The following HHLA2 variants were observed in gnomAD, a reference collection of about 807,000 sequenced individuals.
HHLA2 encodes the protein HHLA2 member of B7 family.
Under a neutral mutation model 45.9 loss-of-function variants are expected in HHLA2, and 48 were observed. The observed-to-expected ratio is 1.05, with a 90% CI of 0.83 to 1.33. The LOEUF (loss-of-function observed/expected upper bound fraction) is 1.33, where lower values mean the gene tolerates loss of function less well. HHLA2 is among the 40% of genes most tolerant of loss of function. The pLI is 0.00. For synonymous variants in HHLA2, 161 were observed against 173.9 expected (o/e 0.93, Z 0.59); for missense variants, 462 against 494.3 (o/e 0.93, Z 0.62).
intron 3 of HHLA2, among the ~76,000 whole-genome samples, chr3:108,342,913 G>A (rs2081600351): frequency 6.6e-6 from 1 of 152,126 alleles, no homozygotes; most frequent in Admixed American, 6.5e-5. Context: ...TCCTTCCACA[G>A]CACCTGGTGG....
chr3:108,356,711 A>G (rs901090702), intron 6 of HHLA2, among the ~76,000 whole-genome samples: 5 of 152,316 alleles, frequency 3.3e-5, no homozygotes, highest in African/African-American at 1.2e-4. Flanking sequence ...ATTACGTGCC[A>G]AGTTTTGTTG....
intron 3 of HHLA2, among the ~76,000 whole-genome samples, chr3:108,343,181 A>G (rs1287953792): frequency 6.6e-6 from 1 of 152,042 alleles, no homozygotes; most frequent in Non-Finnish European, 1.5e-5. Flanking sequence ...AGGGCATTTT[A>G]TTTTTTCTTG....
chr3:108,306,492 C>T (rs1267445719), intron 1 of HHLA2, among the ~76,000 whole-genome samples: 2 of 152,276 alleles, frequency 1.3e-5, no homozygotes, highest in African/African-American at 4.8e-5. Context: ...TGCTCGAGCT[C>T]TCCCTCTCTC....
Position 108,376,377 on chromosome 3 carries a change from T to C in HHLA2, c.1160-116T>C, listed in dbSNP as rs1198925718. 1.1e-5 allele frequency: 8 copies of C among 723,458 alleles called. No individual in the cohort carries two copies. The Admixed American group carries it at 1.2e-4, about 11-fold the overall frequency. 44.8% of individuals were successfully genotyped at this position (723,458 alleles called of 1,614,324 possible). The stretch of plus-strand genomic sequence containing the variant: ...TTTTTCATGTTGTTTGTTAAAGATA[T>C]GCAGGGAGAGTAACTCAGATGATTC... On this transcript the variant is annotated intron_variant, in intron 9 of 10. Coordinates refer to ENST00000619531, the Ensembl canonical transcript of HHLA2.
chr3:108,343,640 C>T (rs990827760), intron 3 of HHLA2, among the ~76,000 whole-genome samples: 1 of 152,142 alleles, frequency 6.6e-6, no homozygotes, highest in African/African-American at 2.4e-5. Flanking sequence ...ACAGGTCACC[C>T]GCCCCAGCAC....
At chr3:108,356,029 C>CGT (rs372900009) in intron 6 of HHLA2, among the ~76,000 whole-genome samples, 1 of 118,228 alleles carries the variant, frequency 8.5e-6, no homozygotes, top group Non-Finnish European at 1.7e-5. Context: ...ATTTGTTTTC[C>CGT]TTTTTTTTTT....
intron 7 of HHLA2, among the ~76,000 whole-genome samples, chr3:108,360,679 C>T (rs921604828): frequency 6.6e-6 from 1 of 152,136 alleles, no homozygotes; most frequent in Non-Finnish European, 1.5e-5. Flanking sequence ...GATGCAGTGG[C>T]GTGACACGAT....
chr3:108,306,761 A>G (rs2080937021), intron 1 of HHLA2, among the ~76,000 whole-genome samples: 1 of 152,140 alleles, frequency 6.6e-6, no homozygotes, highest in Non-Finnish European at 1.5e-5. Flanking sequence ...GTCAATTTGT[A>G]GTCTTGTTAA....
intron 8 of HHLA2, among the ~76,000 whole-genome samples, chr3:108,364,355 G>GGTGTA: frequency 6.6e-6 from 1 of 152,318 alleles, no homozygotes; most frequent in African/African-American, 2.4e-5. Context: ...AGTATTCCAT[G>GGTGTA]GTGTATATGT....
Position 108,356,055 on chromosome 3 carries a change from A to C in HHLA2, c.685+674A>C, listed in dbSNP as rs563404435. Among the ~76,000 whole-genome samples, 13 of 101,070 alleles carry C rather than the reference A, an allele frequency of 1.3e-4. No individual in the cohort carries two copies. In the South Asian group the frequency reaches 4.2e-3, roughly 32 times the overall value. 66.3% of individuals were successfully genotyped at this position (101,070 alleles called of 152,430 possible). The stretch of plus-strand genomic sequence containing the variant: ...TTTTTTTTTTTTTTTTTTGAGATGG[A>C]GTCTCCCTCTGTCGCCCAGGCTGGA... On this transcript the variant is annotated intron_variant, in intron 6 of 10. Coordinates refer to ENST00000619531, the Ensembl canonical transcript of HHLA2.
chr3:108,348,662 A>AG lies in HHLA2; in HGVS notation c.-26-3126_-26-3125insG, dbSNP rs2081715005. Among the ~76,000 whole-genome samples, 6 of 132,712 alleles carry AG rather than the reference A, an allele frequency of 4.5e-5. 1 individual carries two copies. Among genetic ancestry groups the AG allele is most frequent in the Non-Finnish European group, 1.0e-4 (6 of 59,726 alleles). 87.1% of individuals were successfully genotyped at this position (132,712 alleles called of 152,430 possible). On this transcript the variant is annotated intron_variant, in intron 3 of 10. Transcript: ENST00000619531. ...GGGACAAATTTCTTTTTTTTTTTTAATTATACTTTAAATTCTGGGTTACAT... is the reference window on the plus strand; with the variant it reads ...GGGACAAATTTCTTTTTTTTTTTTAAGTTATACTTTAAATTCTGGGTTACAT...
At chr3:108,336,485 T>A (rs897069604) in intron 3 of HHLA2, among the ~76,000 whole-genome samples, 2 of 152,224 alleles carry the variant, frequency 1.3e-5, no homozygotes, top group African/African-American at 4.8e-5. Flanking sequence ...ACTTAAGGAA[T>A]GCTTTCATCA....
chr3:108,364,907 G>T (rs1484798227), intron 8 of HHLA2, among the ~76,000 whole-genome samples: 2 of 152,166 alleles, frequency 1.3e-5, no homozygotes, highest in African/African-American at 4.8e-5. Flanking sequence ...ACTTTTGTCA[G>T]ATGGGTAGAC....
At chr3:108,358,471 A>C (rs1448395678) in intron 7 of HHLA2, among the ~76,000 whole-genome samples, 1 of 152,130 alleles carries the variant, frequency 6.6e-6, no homozygotes, top group African/African-American at 2.4e-5. Flanking sequence ...TGCTGTGCCT[A>C]ATATATACCT....
intron 2 of HHLA2, among the ~76,000 whole-genome samples, chr3:108,318,652 GA>G (rs137992301): frequency 2.7e-5 from 4 of 150,684 alleles, no homozygotes; most frequent in East Asian, 1.9e-4. Context: ...AAATGGAGAA[GA>G]AAAAAAAATC....
rs766008771 is a variant in HHLA2, at chr3:108,358,209, A to C, written c.1003+48A>C. 2.6e-5 allele frequency: 35 copies of C among 1,354,200 alleles called. 1 individual carries two copies. The South Asian group carries it at 4.4e-4, about 17-fold the overall frequency. 83.9% of individuals were successfully genotyped at this position (1,354,200 alleles called of 1,614,324 possible). A position where few individuals can be genotyped will look rare whatever the true frequency, so the allele number is the denominator to read the frequency against. On this transcript the variant is annotated intron_variant, in intron 7 of 10. Transcript: ENST00000619531. ...TAATGGGTTTTGGCTGTAGCATTAG[A>C]GGTTTGTGAATATCAAAGAGAAAAT...
At chr3:108,307,591 G>A (rs997719922) in intron 1 of HHLA2, among the ~76,000 whole-genome samples, 10 of 150,880 alleles carry the variant, frequency 6.6e-5, no homozygotes, top group Admixed American at 4.6e-4. Context: ...CCAAGATCAC[G>A]CCACTGCACT....
exon 10 of HHLA2, chr3:108,376,550 A>C (rs2082279338): frequency 6.2e-7 from 1 of 1,612,030 alleles, no homozygotes; most frequent in African/African-American, 1.3e-5. Flanking sequence ...AATGGCGAAG[A>C]AAATGTGGTA....
chr3:108,326,102 C>G (rs2081284714), intron 2 of HHLA2: 1 of 262,712 alleles, frequency 3.8e-6, no homozygotes, highest in Non-Finnish European at 7.5e-6. Flanking sequence ...AGGTGATGGT[C>G]TTCGGTGTCT....
Sources: allele counts gnomAD v4.1 joint callset (sites outside exome capture counted in the v4.1 genomes callset), GRCh38; gene constraint gnomAD v4.1.1; transcripts MANE v1.5; gene names NCBI Gene and HGNC (gene_info 2026-07-23, HGNC 2026-07-21).